Variants in CDH13 observed in about 807,000 individuals in gnomAD.
The protein encoded by CDH13 is cadherin-13.
A neutral mutation model predicts 63.8 loss-of-function variants in CDH13; 24 were observed. The ratio of observed to expected loss-of-function variants is 0.38; its 90% confidence interval spans 0.27 to 0.53. The LOEUF (loss-of-function observed/expected upper bound fraction) is 0.53, where lower values mean the gene tolerates loss of function less well. Ranked by LOEUF, CDH13 falls within the 20% of genes least tolerant of loss-of-function variation. The pLI is 0.85. For synonymous variants in CDH13, 503 were observed against 355.3 expected (o/e 1.42, Z -4.67); for missense variants, 1,049 against 903.1 (o/e 1.16, Z -2.07).
intron 1 of CDH13, among the ~76,000 whole-genome samples, chr16:82,636,068 T>C (rs2150876288): frequency 6.6e-6 from 1 of 152,274 alleles, no homozygotes; most frequent in East Asian, 1.9e-4. Flanking sequence ...GGCAGTTCTT[T>C]ATAGCAATGC....
chr16:83,434,988 T>C (rs1410107023), intron 6 of CDH13, among the ~76,000 whole-genome samples: 4 of 79,878 alleles, frequency 5.0e-5, no homozygotes, highest in Non-Finnish European at 7.8e-5. Flanking sequence ...TAAATAAATA[T>C]ATATATATAT....
chr16:83,087,044 A>T (rs1360584464), intron 3 of CDH13, among the ~76,000 whole-genome samples: 1 of 152,244 alleles, frequency 6.6e-6, no homozygotes, highest in Non-Finnish European at 1.5e-5. Flanking sequence ...ACCAAAGAAA[A>T]TCCACAAGTC....
chr16:83,356,256 G>A (rs5818444), intron 6 of CDH13, among the ~76,000 whole-genome samples: 36,537 of 144,718 alleles, frequency 0.25, 5,354 homozygotes, highest in African/African-American at 0.41. Context: ...GTGTGTGTGT[G>A]TGTGTGTGTA....
intron 4 of CDH13, among the ~76,000 whole-genome samples, chr16:83,171,158 T>G (rs1415067441): frequency 6.6e-6 from 1 of 152,056 alleles, no homozygotes; most frequent in African/African-American, 2.4e-5. Flanking sequence ...TTAGGAAACT[T>G]ATAGTCATGG....
At chr16:83,243,972 T>A (rs1490053612) in intron 5 of CDH13, among the ~76,000 whole-genome samples, 1 of 152,188 alleles carries the variant, frequency 6.6e-6, no homozygotes, top group African/African-American at 2.4e-5. Context: ...TTATCAGCAT[T>A]GTAGGAAGGG....
At chr16:83,227,790 C>T (rs1458088278) in intron 5 of CDH13, among the ~76,000 whole-genome samples, 2 of 152,154 alleles carry the variant, frequency 1.3e-5, no homozygotes, top group Non-Finnish European at 2.9e-5. Context: ...GCAGACTCGG[C>T]AGCTCCATCA....
At chr16:83,458,935 A>G (rs1470231783) in intron 6 of CDH13, among the ~76,000 whole-genome samples, 2 of 152,270 alleles carry the variant, frequency 1.3e-5, no homozygotes, top group African/African-American at 2.4e-5. Context: ...AGGGTATATT[A>G]TTATGCAAAA....
intron 1 of CDH13, among the ~76,000 whole-genome samples, chr16:82,753,130 C>T (rs1292754883): frequency 6.6e-6 from 1 of 152,118 alleles, no homozygotes. Context: ...GTGTCAGCTC[C>T]TACTTATTAT....
chr16:82,684,824 G>C (rs1185251205), intron 1 of CDH13, among the ~76,000 whole-genome samples: 1 of 152,206 alleles, frequency 6.6e-6, no homozygotes, highest in African/African-American at 2.4e-5. Context: ...TACCCAAGTT[G>C]TGCTTTCTTA....
intron 7 of CDH13, among the ~76,000 whole-genome samples, chr16:83,564,211 A>G (rs1043792923): frequency 1.3e-5 from 2 of 152,136 alleles, no homozygotes; most frequent in Admixed American, 1.3e-4. Context: ...ATCCCCAGAG[A>G]TGAAAATTGG....
chr16:82,701,206 A>C (rs1010242963), intron 1 of CDH13, among the ~76,000 whole-genome samples: 2 of 151,770 alleles, frequency 1.3e-5, no homozygotes, highest in African/African-American at 4.8e-5. Context: ...TGTTGATGCT[A>C]CCTCTGAAAT....
At chr16:83,496,844 G>A (rs1021556601) in intron 7 of CDH13, among the ~76,000 whole-genome samples, 1 of 152,090 alleles carries the variant, frequency 6.6e-6, no homozygotes, top group African/African-American at 2.4e-5. Flanking sequence ...TCAAAAAGTG[G>A]GCGAAGGACA....
At chr16:83,197,449 G>C (rs1359929184) in intron 4 of CDH13, among the ~76,000 whole-genome samples, 1 of 151,940 alleles carries the variant, frequency 6.6e-6, no homozygotes, top group Non-Finnish European at 1.5e-5. Context: ...ATTGACTATG[G>C]TCACCTGTTC....
intron 2 of CDH13, among the ~76,000 whole-genome samples, chr16:82,924,460 G>C (rs1480513330): frequency 6.6e-6 from 1 of 152,196 alleles, no homozygotes; most frequent in African/African-American, 2.4e-5. Flanking sequence ...TCAGGTGGTG[G>C]TTGCGGTTTT....
At chr16:82,754,807 A>C (rs2034551013) in intron 1 of CDH13, among the ~76,000 whole-genome samples, 1 of 152,234 alleles carries the variant, frequency 6.6e-6, no homozygotes, top group Non-Finnish European at 1.5e-5. Flanking sequence ...CCTTTTATGA[A>C]TAATACAAAA....
At chr16:83,344,079 C>T (rs530394154) in intron 5 of CDH13, among the ~76,000 whole-genome samples, 3 of 152,242 alleles carry the variant, frequency 2.0e-5, no homozygotes, top group South Asian at 2.1e-4. Context: ...TACTCCTATG[C>T]GGGGACCAAC....
At chr16:83,039,655 C>G (rs985475382) in intron 3 of CDH13, among the ~76,000 whole-genome samples, 4 of 152,152 alleles carry the variant, frequency 2.6e-5, no homozygotes, top group Non-Finnish European at 4.4e-5. Context: ...TCCTCAGCAC[C>G]CTGCCCAGTG....
At chr16:82,803,820 G>A (rs76955011) in intron 1 of CDH13, among the ~76,000 whole-genome samples, 14,575 of 152,222 alleles carry the variant, frequency 0.096, 826 homozygotes, top group Non-Finnish European at 0.12. Flanking sequence ...GGAGCAGAAA[G>A]GGGAAATTTA....
Position 83,468,341 on chromosome 16 carries a change from A to G in CDH13, c.782-18136A>G, listed in dbSNP as rs183482826. Among the ~76,000 whole-genome samples, 69 of 152,272 alleles carry G rather than the reference A, an allele frequency of 4.5e-4. No homozygotes were observed. In the East Asian group the frequency reaches 8.9e-3, roughly 20 times the overall value. ...GCAGAGAGAGATGTGGCCGCCAGCC[A>G]AAGAATGTAGATAGCTACCAAAGCT... On this transcript the variant is annotated intron_variant, in intron 6 of 13. Coordinates refer to ENST00000567109, the MANE Select transcript of CDH13 (RefSeq NM_001257.5).
Sources: allele counts gnomAD v4.1 joint callset (sites outside exome capture counted in the v4.1 genomes callset), GRCh38; gene constraint gnomAD v4.1.1; transcripts MANE v1.5; gene names NCBI Gene and HGNC (gene_info 2026-07-23, HGNC 2026-07-21).